The following CCT4 variants were observed in gnomAD, a reference collection of about 807,000 sequenced individuals.
CCT4 encodes the protein chaperonin containing TCP1 subunit 4.
A neutral mutation model predicts 62.5 loss-of-function variants in CCT4; 17 were observed. The observed-to-expected ratio is 0.27, with a 90% CI of 0.19 to 0.41. CCT4 has a LOEUF of 0.41. CCT4 is among the 10% of genes least tolerant of loss of function. CCT4 has a pLI of 1.00. For synonymous variants in CCT4, 250 were observed against 229.9 expected (o/e 1.09, Z -0.79); for missense variants, 592 against 659.2 (o/e 0.90, Z 1.12).
rs772318367 is a variant in CCT4, at chr2:61,876,905, T to C, written c.777+15A>G. 28 of 1,583,390 alleles carry C rather than the reference T, an allele frequency of 1.8e-5. No homozygotes were observed. Among genetic ancestry groups the C allele is most frequent in the Non-Finnish European group, 2.2e-5 (26 of 1,168,186 alleles). ...GTTAAACACAGAGAACCAATTTCAT[T>C]TGGATTCTACTTACGTCTGTTTTGG... On this transcript the variant is annotated intron_variant, in intron 7 of 13. Transcript: ENST00000394440.
chr2:61,872,701 G>C, intron 10 of CCT4, 113 bp from the exon 11 acceptor site: 1 of 1,038,094 alleles, frequency 9.6e-7, no homozygotes, highest in Middle Eastern at 2.5e-4. Context: ...GATGAGGCGG[G>C]TGGCTAACGA....
intron 5 of CCT4, among the ~76,000 whole-genome samples, chr2:61,878,141 C>T (rs1332189722): frequency 6.6e-6 from 1 of 152,060 alleles, no homozygotes; most frequent in Non-Finnish European, 1.5e-5. Flanking sequence ...ACTTAGTGTC[C>T]CTAACACTAC....
chr2:61,880,794 C>T (rs1669095545), intron 3 of CCT4, among the ~76,000 whole-genome samples: 1 of 152,140 alleles, frequency 6.6e-6, no homozygotes, highest in Non-Finnish European at 1.5e-5. Context: ...CAGCCTCCAC[C>T]TCCTGGGCTC....
chr2:61,879,439 A>ATTTTTTTTTTTT, intron 4 of CCT4, among the ~76,000 whole-genome samples: 1 of 103,558 alleles, frequency 9.7e-6, no homozygotes, highest in African/African-American at 3.6e-5. Flanking sequence ...TTTTTTTTGT[A>ATTTTTTTTTTTT]TTTTTTTTTT....
rs201340633 is a variant in CCT4 at position 61,876,149 on chromosome 2, T to G, written c.863A>C (p.Lys288Thr). Reference sequence around the variant, plus strand: ...ATTACATCCTGTTTTTTTAATTTGCTTCACTAAATTTAAAATATAGGCTCT... The same window carrying G: ...ATTACATCCTGTTTTTTTAATTTGCGTCACTAAATTTAAAATATAGGCTCT... ...EERAYILNLV[K>T]QIKKTGCNVL... The change falls in exon 8 of 14, where the codon AAG becomes ACG. Residue 288 changes from lysine (K) to threonine (T), a missense_variant. Physicochemically the swap from Lys to Thr is moderately conservative, Grantham distance 78 (BLOSUM62 -1). Transcript: ENST00000394440. The G allele has an allele frequency of 4.4e-6, 7 of 1,606,698 alleles. No homozygotes were observed. In the East Asian group the frequency reaches 1.6e-4, roughly 36 times the overall value.
intron 7 of CCT4, 142 bp from the exon 8 acceptor site, chr2:61,876,376 G>C: frequency 1.9e-6 from 1 of 536,938 alleles, no homozygotes; most frequent in South Asian, 4.1e-5. Flanking sequence ...GCATAGAAAA[G>C]AGTCTGGATT....
rs946589642 is a variant in CCT4, at chr2:61,888,575, T to C, written c.-68A>G. On this transcript the variant is annotated 5_prime_UTR_variant, in exon 1 of 14. Transcript: ENST00000394440. ...GGACCCGGATTCTGGCCGGCCGCAG[T>C]GTAATAACGGTAAGCCCTCACTGCC... is the stretch of plus-strand genomic sequence containing the variant. 4.5e-6 allele frequency: 7 copies of C among 1,563,554 alleles called. No homozygotes were observed. The highest frequency in any genetic ancestry group is 1.9e-4 in the Middle Eastern group (1 of 5,186).
rs753925152 is a variant in CCT4 at position 61,876,240 on chromosome 2, C to A, written c.778-6G>T. The A allele has an allele frequency of 6.4e-6, 10 of 1,571,138 alleles. No homozygotes were observed. The South Asian group carries it at 1.2e-4, about 19-fold the overall frequency. ...ACCACTATTTGATTATCCATCTGTT[C>A]AGAAAAAGAACATCATAATTTGCAT... On this transcript the variant is annotated splice_polypyrimidine_tract_variant and splice_region_variant and intron_variant, in intron 7 of 13. Coordinates refer to ENST00000394440, the MANE Select transcript of CCT4 (RefSeq NM_006430.4).
intron 1 of CCT4, among the ~76,000 whole-genome samples, chr2:61,886,251 T>C (rs1240842912): frequency 1.3e-5 from 2 of 152,006 alleles, no homozygotes; most frequent in Non-Finnish European, 1.5e-5. Context: ...CCTCTACTAA[T>C]ACAAAAATGA....
At chr2:61,876,478 A>G (rs925525151) in intron 7 of CCT4, among the ~76,000 whole-genome samples, 1 of 152,216 alleles carries the variant, frequency 6.6e-6, no homozygotes, top group Non-Finnish European at 1.5e-5. Flanking sequence ...ACCAAAAAAT[A>G]TAAAATGGTT....
intron 2 of CCT4, among the ~76,000 whole-genome samples, chr2:61,884,372 CG>C (rs1558508580): frequency 6.6e-6 from 1 of 152,090 alleles, no homozygotes; most frequent in Non-Finnish European, 1.5e-5. Context: ...TGCGCGATCT[CG>C]GCTCACTGCA....
intron 13 of CCT4, chr2:61,869,005 C>T: frequency 2.7e-6 from 1 of 363,766 alleles, no homozygotes; most frequent in Non-Finnish European, 5.2e-6. Flanking sequence ...TGTGGTGGCA[C>T]ATGCCTGTAA....
chr2:61,882,809 CT>C (rs35514799), intron 3 of CCT4, among the ~76,000 whole-genome samples: 57,991 of 146,216 alleles, frequency 0.4, 11,272 homozygotes, highest in Middle Eastern at 0.47. Context: ...CTGTGCCCAG[CT>C]TTTTTTTTTT....
At chr2:61,883,791 C>G (rs866700002) in intron 2 of CCT4, among the ~76,000 whole-genome samples, 30 of 146,954 alleles carry the variant, frequency 2.0e-4, no homozygotes, top group Middle Eastern at 3.4e-3. Context: ...CACACACACA[C>G]ACACACACAC....
Position 61,888,475 on chromosome 2 carries a change from C to T in CCT4, c.33G>A (p.Ala11=), listed in dbSNP as rs1344159232. Reference sequence around the variant, plus strand: ...CGCGGCCGCCGGCAGCCCCGGCAGTCGCCCCGCTCCGGGGTGCCACATTCT... The same window carrying T: ...CGCGGCCGCCGGCAGCCCCGGCAGTTGCCCCGCTCCGGGGTGCCACATTCT... MPENVAPRSG[A]TAGAAGGRGK... is the part of the protein sequence containing the mutation. The change falls in exon 1 of 14, where the codon GCG becomes GCA. Residue 11 remains alanine, a synonymous_variant. Coordinates refer to ENST00000394440, the MANE Select transcript of CCT4 (RefSeq NM_006430.4). 1.2e-6 allele frequency: 2 copies of T among 1,611,866 alleles called. No homozygotes were observed. Among genetic ancestry groups the T allele is most frequent in the South Asian group, 2.2e-5 (2 of 90,886 alleles).
rs370544712 is a variant in CCT4, at chr2:61,873,057, C to T, written c.1070G>A (p.Gly357Asp). ...HIDQFTADMLGSAELAEEVNL... is the reference protein window; with the variant it reads ...HIDQFTADMLDSAELAEEVNL... ...GACCTCCTCAGCTAACTCAGCAGAA[C>T]CCAGCATGTCAGCAGTAAATTGGTC... is the stretch of plus-strand genomic sequence containing the variant. Residue 357 changes from glycine (G) to aspartate (D), a missense_variant, in exon 10 of 14, where the codon GGT (glycine) becomes GAT (aspartate). Gly to Asp is a moderately conservative substitution (Grantham distance 94, BLOSUM62 -1). Coordinates refer to ENST00000394440, the MANE Select transcript of CCT4 (RefSeq NM_006430.4). 1 of 1,613,522 alleles carries T rather than the reference C, an allele frequency of 6.2e-7. No homozygotes were observed. Among genetic ancestry groups the T allele is most frequent in the Non-Finnish European group, 8.5e-7 (1 of 1,179,420 alleles).
chr2:61,879,070 G>T, intron 4 of CCT4, 59 bp from the exon 5 acceptor site: 1 of 1,330,692 alleles, frequency 7.5e-7, no homozygotes, highest in Non-Finnish European at 1.0e-6. Flanking sequence ...CATTTGACAT[G>T]GCTTAAAAAT....
chr2:61,881,936 CTTTT>C (rs10582574), intron 3 of CCT4, among the ~76,000 whole-genome samples: 13 of 141,808 alleles, frequency 9.2e-5, no homozygotes, highest in Admixed American at 1.4e-4. Context: ...ATAGAAGTTC[CTTTT>C]TTTTTTTTTT....
rs560370213 is a variant in CCT4, at chr2:61,873,079, G to T, written c.1048C>A (p.Gln350Lys). The T allele has an allele frequency of 3.7e-6, 6 of 1,612,468 alleles. No homozygotes were observed. The African/African-American group carries it at 6.7e-5, about 18-fold the overall frequency. The part of the protein sequence containing the change: ...IGTKPVAHID[Q>K]FTADMLGSAE... ...GAACCCAGCATGTCAGCAGTAAATT[G>T]GTCAATATGAGCAACTGGCTTGGTT... Residue 350 changes from glutamine (Q) to lysine (K), a missense_variant, in exon 10 of 14, where the codon CAA (glutamine) becomes AAA (lysine). Physicochemically the swap from Gln to Lys is moderately conservative, Grantham distance 53. Around this residue, in one of 3 missense-constraint regions of CCT4, gnomAD observed 522 missense variants for 571.2 expected, o/e 0.91. Coordinates refer to ENST00000394440, the MANE Select transcript of CCT4 (RefSeq NM_006430.4).
Sources: allele counts gnomAD v4.1 joint callset (sites outside exome capture counted in the v4.1 genomes callset), GRCh38; gene constraint gnomAD v4.1.1; regional missense constraint gnomAD v4.1.1; transcripts MANE v1.5; gene names NCBI Gene and HGNC (gene_info 2026-07-23, HGNC 2026-07-21).